BANF2: variants seen among roughly 807,000 people sequenced by gnomAD.
BANF2 encodes the protein BANF family member 2.
In BANF2, 4 loss-of-function variants were observed where a neutral mutation model predicts 8.0. The ratio of observed to expected loss-of-function variants is 0.50; its 90% CI spans 0.25 to 1.14. The LOEUF is 1.14. Ranked by LOEUF, BANF2 falls within the 50% of genes most tolerant of loss-of-function variation. The pLI, the probability that BANF2 is intolerant of heterozygous loss-of-function variation, is 0.16. For missense variants in BANF2, 96 were observed against 107.5 expected, an observed-to-expected ratio of 0.89 and a Z score of 0.47; for synonymous variants, 50 against 40.6, an observed-to-expected ratio of 1.23 and a Z score of -0.88.
At chr20:17,698,509 A>G (rs1054555155), upstream of BANF2, among the ~76,000 whole-genome samples, 1 of 152,256 alleles carries the variant, frequency 6.6e-6, no homozygotes, top group African/African-American at 2.4e-5. Context: ...GGGACATGGA[A>G]CAGGACATGA....
At chr20:17,701,667 G>T (rs912495971) in intron 1 of BANF2, among the ~76,000 whole-genome samples, 14 of 152,184 alleles carry the variant, frequency 9.2e-5, no homozygotes, top group African/African-American at 3.1e-4. Context: ...CACCCTCTGC[G>T]ATTGAACTCA....
intron 1 of BANF2, among the ~76,000 whole-genome samples, chr20:17,713,219 C>A (rs75138775): frequency 1.3e-5 from 2 of 151,678 alleles, no homozygotes; most frequent in East Asian, 3.9e-4. Context: ...GATTGCACTC[C>A]GGCCTGGTGA....
At chr20:17,727,462 A>T (rs2037824529) in intron 3 of BANF2, among the ~76,000 whole-genome samples, 1 of 152,178 alleles carries the variant, frequency 6.6e-6, no homozygotes, top group African/African-American at 2.4e-5. Context: ...TTGCACAAGA[A>T]GATCTGTGGC....
chr20:17,733,466 T>C (rs2037931042), intron 3 of BANF2, among the ~76,000 whole-genome samples: 1 of 152,238 alleles, frequency 6.6e-6, no homozygotes, highest in Non-Finnish European at 1.5e-5. Context: ...AAGCTTTGTG[T>C]AAGCCACTTA....
chr20:17,694,449 G>A (rs193097019), intron 1 of BANF2, among the ~76,000 whole-genome samples: 50 of 152,200 alleles, frequency 3.3e-4, no homozygotes, highest in Admixed American at 5.2e-4. Context: ...GAACTGAGTG[G>A]AAGCTGGTGA....
intron 1 of BANF2, among the ~76,000 whole-genome samples, chr20:17,713,118 G>A (rs1240831846): frequency 6.6e-6 from 1 of 152,088 alleles, no homozygotes; most frequent in Non-Finnish European, 1.5e-5. Flanking sequence ...TGAGCATGGT[G>A]GTGCATATCT....
chr20:17,725,268 C>A, intron 3 of BANF2, 117 bp downstream of exon 3: 1 of 1,322,144 alleles, frequency 7.6e-7, no homozygotes, highest in Non-Finnish European at 1.0e-6. Context: ...AGCAAAGCTG[C>A]CGCTTGGCGG....
Position 17,725,118 on chromosome 20 carries a change from C to T in BANF2, c.93C>T (p.Leu31=), listed in dbSNP as rs776837870. ...VCWVDGISHE[L]AINLVTKGIN... ...GGGTGGATGGCATCAGCCATGAGCTCGCGATCAATTTGGTCACCAAAGGTA... is the reference window on the plus strand; with the variant it reads ...GGGTGGATGGCATCAGCCATGAGCTTGCGATCAATTTGGTCACCAAAGGTA... Residue 31 remains leucine (L), a synonymous_variant, in exon 3 of 4, where the codon CTC becomes CTT. Transcript: ENST00000246090. 1.2e-5 allele frequency: 19 copies of T among 1,613,022 alleles called. No homozygotes were observed. The highest frequency in any genetic ancestry group is 6.7e-5 in the African/African-American group (5 of 74,920).
chr20:17,703,327 C>T (rs542094569), intron 1 of BANF2, among the ~76,000 whole-genome samples: 41 of 152,312 alleles, frequency 2.7e-4, no homozygotes, highest in Middle Eastern at 3.4e-3. Context: ...AGCAGGGATG[C>T]AGTCTGCCCT....
chr20:17,709,670 A>C (rs1407848292), intron 1 of BANF2, among the ~76,000 whole-genome samples: 1 of 152,214 alleles, frequency 6.6e-6, no homozygotes, highest in Admixed American at 6.5e-5. Flanking sequence ...GCCTTGCTTA[A>C]TATCTCAGTG....
At chr20:17,701,947 T>C (rs1258715195) in intron 1 of BANF2, among the ~76,000 whole-genome samples, 1 of 152,198 alleles carries the variant, frequency 6.6e-6, no homozygotes, top group Admixed American at 6.5e-5. Flanking sequence ...TCAGCCACCA[T>C]TTACAAAATG....
intron 1 of BANF2, among the ~76,000 whole-genome samples, chr20:17,703,450 A>G (rs529266037): frequency 9.2e-5 from 14 of 152,316 alleles, no homozygotes; most frequent in African/African-American, 3.1e-4. Flanking sequence ...AGTGAGGAGG[A>G]AAGGCGGTCA....
chr20:17,708,828 G>A (rs903090919), intron 1 of BANF2, among the ~76,000 whole-genome samples: 12 of 152,100 alleles, frequency 7.9e-5, no homozygotes, highest in African/African-American at 2.4e-4. Flanking sequence ...TAGTAGAGGC[G>A]GAACACCACC....
At chr20:17,723,374 CCA>C in intron 2 of BANF2, among the ~76,000 whole-genome samples, 1 of 152,260 alleles carries the variant, frequency 6.6e-6, no homozygotes, top group East Asian at 1.9e-4. Flanking sequence ...ATGCTGCAGC[CCA>C]GTTACTTCCA....
intron 1 of BANF2, among the ~76,000 whole-genome samples, chr20:17,694,362 T>C (rs1174215590): frequency 2.0e-5 from 3 of 152,136 alleles, no homozygotes; most frequent in Admixed American, 2.0e-4. Flanking sequence ...GTTGAAGATG[T>C]GGGAGCAGAG....
At chr20:17,702,055 G>A (rs1199552669) in intron 1 of BANF2, among the ~76,000 whole-genome samples, 4 of 152,170 alleles carry the variant, frequency 2.6e-5, no homozygotes, top group Non-Finnish European at 5.9e-5. Context: ...AGATGAGCAT[G>A]GTTAGGTAAC....
chr20:17,696,829 C>T (rs1015638561), upstream of BANF2, among the ~76,000 whole-genome samples: 20 of 152,112 alleles, frequency 1.3e-4, no homozygotes, highest in African/African-American at 4.3e-4. Flanking sequence ...GTGGCAGTTC[C>T]AGAATTTCAG....
chr20:17,728,114 T>C (rs1486432356), intron 3 of BANF2, among the ~76,000 whole-genome samples: 1 of 152,202 alleles, frequency 6.6e-6, no homozygotes, highest in East Asian at 1.9e-4. Context: ...CTCCTGTCTT[T>C]GCTGGCTTCT....
chr20:17,722,970 A>G (rs2037754089), intron 2 of BANF2, 92 bp downstream of exon 2: 2 of 842,582 alleles, frequency 2.4e-6, no homozygotes, highest in African/African-American at 3.7e-5. Flanking sequence ...AATGCTTACC[A>G]TGTCCTCAGC....
Sources: allele counts gnomAD v4.1 joint callset (sites outside exome capture counted in the v4.1 genomes callset), GRCh38; gene constraint gnomAD v4.1.1; transcripts MANE v1.5; gene names NCBI Gene and HGNC (gene_info 2026-07-23, HGNC 2026-07-21).